ATP10A: variants seen among roughly 807,000 people sequenced by gnomAD.
The protein encoded by ATP10A is ATPase phospholipid transporting 10A (putative).
Under a neutral mutation model 147.8 loss-of-function variants are expected in ATP10A, and 111 were observed. The observed-to-expected ratio is 0.75, with a 90% CI of 0.64 to 0.88. The LOEUF (loss-of-function observed/expected upper bound fraction) is 0.88. ATP10A is among the 40% of genes least tolerant of loss of function. ATP10A has a pLI of 0.00. For missense variants in ATP10A, 1,927 were observed against 1,959.0 expected (o/e 0.98, Z 0.31); for synonymous variants, 875 against 841.6 (o/e 1.04, Z -0.69).
intron 1 of ATP10A, among the ~76,000 whole-genome samples, chr15:25,785,944 G>C (rs142475356): frequency 6.6e-6 from 1 of 152,242 alleles, no homozygotes; most frequent in Non-Finnish European, 1.5e-5. Flanking sequence ...GCTGTGCGGG[G>C]TCCGGTCTCC....
intron 1 of ATP10A, among the ~76,000 whole-genome samples, chr15:25,799,878 G>A (rs1168119737): frequency 6.6e-6 from 1 of 152,116 alleles, no homozygotes; most frequent in Non-Finnish European, 1.5e-5. Context: ...AAAAGTTCTG[G>A]AATACAATGT....
chr15:25,699,149 G>A (rs904177614), intron 13 of ATP10A, among the ~76,000 whole-genome samples: 2 of 152,108 alleles, frequency 1.3e-5, no homozygotes, highest in Admixed American at 1.3e-4. Context: ...TTTTGAAATA[G>A]AATAAAGTTG....
intron 10 of ATP10A, among the ~76,000 whole-genome samples, chr15:25,712,584 T>C (rs961317555): frequency 5.9e-5 from 9 of 152,234 alleles, no homozygotes; most frequent in African/African-American, 2.2e-4. Context: ...GCCCTATTTA[T>C]GTTTTTCTTT....
chr15:25,726,576 G>C (rs1902570368), intron 4 of ATP10A, among the ~76,000 whole-genome samples: 2 of 151,710 alleles, frequency 1.3e-5, no homozygotes, highest in South Asian at 4.2e-4. Flanking sequence ...CTAGTAGCTG[G>C]GACTACAGGT....
intron 17 of ATP10A, among the ~76,000 whole-genome samples, chr15:25,681,694 C>T (rs1899419167): frequency 6.6e-6 from 1 of 152,174 alleles, no homozygotes; most frequent in African/African-American, 2.4e-5. Flanking sequence ...CTATCTGCAG[C>T]TGCGTCACTC....
At chr15:25,747,470 GA>G (rs1268046614) in intron 2 of ATP10A, among the ~76,000 whole-genome samples, 1 of 151,170 alleles carries the variant, frequency 6.6e-6, no homozygotes, top group Non-Finnish European at 1.5e-5. Context: ...CACAATAGCA[GA>G]AAAAATAAAT....
At chr15:25,784,927 A>G (rs1405951159) in intron 1 of ATP10A, among the ~76,000 whole-genome samples, 2 of 151,764 alleles carry the variant, frequency 1.3e-5, no homozygotes, top group Admixed American at 1.3e-4. Context: ...GTGTCAAAAA[A>G]AAAAAAAAGA....
intron 2 of ATP10A, among the ~76,000 whole-genome samples, chr15:25,763,988 A>G (rs1200344777): frequency 1.3e-5 from 2 of 152,222 alleles, no homozygotes; most frequent in Non-Finnish European, 2.9e-5. Flanking sequence ...TCCCACTTGC[A>G]TGCAAAACCA....
Position 25,863,252 on chromosome 15 carries a change from C to A in ATP10A, c.-156G>T, listed in dbSNP as rs1358296873. ...TCAGCGCGCCGCCTGGCCGGCCCAGCGCGCCCAGCCCGCGCCCAGCCCCGT... is the reference window on the plus strand; with the variant it reads ...TCAGCGCGCCGCCTGGCCGGCCCAGAGCGCCCAGCCCGCGCCCAGCCCCGT... On this transcript the variant is annotated 5_prime_UTR_variant, in exon 1 of 21. Transcript: ENST00000555815. 5.6e-6 allele frequency: 2 copies of A among 357,810 alleles called. No individual in the cohort carries two copies. The highest frequency in any genetic ancestry group is 8.0e-6 in the Non-Finnish European group (2 of 250,824). The allele number at this position is 357,810 out of a possible 1,614,324, so 22.2% of individuals were successfully genotyped here. A position where few individuals can be genotyped will look rare whatever the true frequency, so the allele number is the denominator to read the frequency against.
At position 25,766,764 on chromosome 15, in the gene ATP10A, C is replaced by T. The variant is rs547478928; in HGVS notation, c.654+14255G>A. 2.0e-5 allele frequency among the ~76,000 whole-genome samples: 3 copies of T among 152,176 alleles called. No individual in the cohort carries two copies. In the South Asian group the frequency reaches 6.2e-4, roughly 32 times the overall value. On this transcript the variant is annotated intron_variant, in intron 2 of 20. Transcript: ENST00000555815. ...GTGCCGCCTGCAAGCGCTCCTCGGG[C>T]CTCAGCAAAACATCCTAGAACACAG...
At chr15:25,768,540 CTTT>C (rs59228132) in intron 2 of ATP10A, among the ~76,000 whole-genome samples, 90 of 132,206 alleles carry the variant, frequency 6.8e-4, no homozygotes, top group Middle Eastern at 3.8e-3. Context: ...CTCTCTCTCT[CTTT>C]TTTTTTTTTT....
intron 1 of ATP10A, among the ~76,000 whole-genome samples, chr15:25,808,831 C>T (rs560802005): frequency 1.3e-5 from 2 of 152,126 alleles, no homozygotes; most frequent in Non-Finnish European, 2.9e-5. Flanking sequence ...TTTGAGGGAA[C>T]CTGGAGCAGC....
At chr15:25,764,815 G>A (rs190301640) in intron 2 of ATP10A, among the ~76,000 whole-genome samples, 296 of 152,306 alleles carry the variant, frequency 1.9e-3, no homozygotes, top group African/African-American at 6.6e-3. Context: ...AACCGCAGAC[G>A]CTCTACCTTC....
intron 10 of ATP10A, chr15:25,709,296 T>A (rs1188159362): frequency 1.3e-5 from 2 of 152,218 alleles, no homozygotes; most frequent in Non-Finnish European, 2.9e-5. Flanking sequence ...GTATTTACAT[T>A]TCCCGAAAGG....
At chr15:25,815,784 G>A (rs1596944017) in intron 1 of ATP10A, among the ~76,000 whole-genome samples, 1 of 152,134 alleles carries the variant, frequency 6.6e-6, no homozygotes, top group Non-Finnish European at 1.5e-5. Flanking sequence ...GCCATTTTAG[G>A]AGAAAAGCTA....
In ATP10A at chr15:25,718,342, C is replaced by T. The variant is rs747523701; in HGVS notation, c.1421G>A (p.Arg474Lys). The change falls in exon 8 of 21, where the codon AGA becomes AAA. Residue 474 changes from arginine to lysine, a missense_variant. By Grantham distance (26) the Arg-to-Lys change is conservative (BLOSUM62 2). Coordinates refer to ENST00000555815, the MANE Select transcript of ATP10A (RefSeq NM_024490.4). The part of the protein sequence containing the change: ...ADSEEEEVVP[R>K]GGSVSQRGSI... ...GCCGCGCTGGGACACCGAGCCCCCT[C>T]TGGGCACCACCTCCTCCTCCTCCGA... 6.2e-7 allele frequency: 1 copy of T among 1,610,464 alleles called. No homozygotes were observed. Among genetic ancestry groups the T allele is most frequent in the Admixed American group, 1.7e-5 (1 of 59,830 alleles).
chr15:25,834,495 C>G (rs78842084), intron 1 of ATP10A, among the ~76,000 whole-genome samples: 1,954 of 152,242 alleles, frequency 0.013, 19 homozygotes, highest in Middle Eastern at 0.024. Context: ...CTGAAACAGA[C>G]AGGTAAGCAT....
chr15:25,792,887 T>TTTTTTGAGATG (rs1555470776), intron 1 of ATP10A, among the ~76,000 whole-genome samples: 1 of 145,410 alleles, frequency 6.9e-6, no homozygotes, highest in African/African-American at 2.5e-5. Context: ...TTTTTTTTTT[T>TTTTTTGAGATG]GAGATGGAGT....
chr15:25,744,893 T>C (rs760398693), intron 2 of ATP10A, among the ~76,000 whole-genome samples: 23 of 152,104 alleles, frequency 1.5e-4, no homozygotes, highest in Non-Finnish European at 3.1e-4. Flanking sequence ...ATTGAATACA[T>C]AATAGCTGAG....
Sources: gnomAD v4.1 joint callset for allele counts (sites outside exome capture counted in the v4.1 genomes callset) on GRCh38, gnomAD v4.1.1 for gene constraint, MANE v1.5 for transcripts, NCBI Gene and HGNC (gene_info 2026-07-23, HGNC 2026-07-21) for gene names.